Variants in SUPT3H observed in about 807,000 individuals in gnomAD.
The protein encoded by SUPT3H is transcription initiation protein SPT3 homolog.
Under a neutral mutation model 44.3 loss-of-function variants are expected in SUPT3H, and 44 were observed. The ratio of observed to expected loss-of-function variants is 0.99; its 90% CI spans 0.78 to 1.28. SUPT3H has a LOEUF of 1.28. Ranked by LOEUF, SUPT3H falls within the 50% of genes most tolerant of loss-of-function variation. The probability of loss-of-function intolerance (pLI) is 0.00; values close to 1 mark genes in which losing one functional copy is unlikely to be tolerated. For missense variants in SUPT3H, 380 were observed against 387.1 expected (o/e 0.98, Z 0.15); for synonymous variants, 124 against 125.6 (o/e 0.99, Z 0.09).
At chr6:45,172,633 C>A (rs1811013506) in intron 2 of SUPT3H, among the ~76,000 whole-genome samples, 1 of 150,432 alleles carries the variant, frequency 6.6e-6, no homozygotes, top group South Asian at 2.1e-4. Context: ...GCTCTGTTGC[C>A]CAGGCTGGAG....
chr6:45,231,479 C>G (rs984369920), intron 2 of SUPT3H, among the ~76,000 whole-genome samples: 10 of 152,104 alleles, frequency 6.6e-5, no homozygotes, highest in African/African-American at 2.4e-4. Context: ...TGATGGGGCT[C>G]TTTTATAGGT....
At chr6:45,194,881 A>T (rs1377643382) in intron 2 of SUPT3H, among the ~76,000 whole-genome samples, 1 of 152,190 alleles carries the variant, frequency 6.6e-6, no homozygotes, top group African/African-American at 2.4e-5. Flanking sequence ...AAAGAAGCTG[A>T]CTACTATACT....
intron 2 of SUPT3H, among the ~76,000 whole-genome samples, chr6:45,338,678 T>C (rs559812162): frequency 5.5e-4 from 83 of 152,258 alleles, no homozygotes; most frequent in South Asian, 2.3e-3. Flanking sequence ...CTGGGCAATA[T>C]AAATTTGGGT....
intron 2 of SUPT3H, among the ~76,000 whole-genome samples, chr6:45,230,471 T>C (rs930185890): frequency 1.3e-5 from 2 of 151,702 alleles, no homozygotes; most frequent in East Asian, 1.9e-4. Flanking sequence ...CATTATTATA[T>C]AATGACCATC....
chr6:45,178,763 A>C (rs1706921763), intron 2 of SUPT3H, among the ~76,000 whole-genome samples: 4 of 152,170 alleles, frequency 2.6e-5, no homozygotes, highest in Admixed American at 2.6e-4. Flanking sequence ...TAAGAATCTC[A>C]CTCAAAAGCG....
At chr6:45,129,897 A>G (rs1431124373) in intron 2 of SUPT3H, among the ~76,000 whole-genome samples, 2 of 152,176 alleles carry the variant, frequency 1.3e-5, no homozygotes, top group African/African-American at 2.4e-5. Context: ...AATAGAAATG[A>G]GTCAAAACAC....
chr6:45,337,939 A>T (rs1282975315), intron 2 of SUPT3H, among the ~76,000 whole-genome samples: 1 of 152,022 alleles, frequency 6.6e-6, no homozygotes, highest in Non-Finnish European at 1.5e-5. Flanking sequence ...TGACTTGACA[A>T]TGATGTTATC....
At chr6:44,939,275 G>A (rs1772003875) in intron 9 of SUPT3H, among the ~76,000 whole-genome samples, 1 of 152,026 alleles carries the variant, frequency 6.6e-6, no homozygotes, top group Admixed American at 6.6e-5. Context: ...TTTTTATAAT[G>A]CAGGGATGCT....
rs1449283076 is a variant in SUPT3H, at chr6:44,879,917, T to C, written c.913-50060A>G. 2.0e-5 allele frequency among the ~76,000 whole-genome samples: 3 copies of C among 152,010 alleles called. No homozygotes were observed. In the East Asian group the frequency reaches 5.8e-4, roughly 29 times the overall value. ...AAAGGACATCCACTCAAAAGCCCCA[T>C]CTGAAGGTCACCAAAATCAAAGACC... On this transcript the variant is annotated intron_variant, in intron 10 of 10. Transcript: ENST00000371459.
chr6:45,329,666 A>G (rs1331718055), intron 2 of SUPT3H, among the ~76,000 whole-genome samples: 1 of 151,976 alleles, frequency 6.6e-6, no homozygotes, highest in African/African-American at 2.4e-5. Context: ...GATACCCTGT[A>G]TGATTTTTAA....
At chr6:45,204,596 T>C (rs1251101088) in intron 2 of SUPT3H, among the ~76,000 whole-genome samples, 2 of 152,222 alleles carry the variant, frequency 1.3e-5, no homozygotes, top group Non-Finnish European at 2.9e-5. Context: ...TTCAATCTTA[T>C]GTGTTTTTAA....
At chr6:45,023,224 C>T (rs916787651) in intron 3 of SUPT3H, among the ~76,000 whole-genome samples, 1 of 151,458 alleles carries the variant, frequency 6.6e-6, no homozygotes, top group Non-Finnish European at 1.5e-5. Flanking sequence ...CAATGAGATA[C>T]CATCTTACAG....
At chr6:45,062,425 G>A (rs1303344053) in intron 3 of SUPT3H, among the ~76,000 whole-genome samples, 1 of 152,190 alleles carries the variant, frequency 6.6e-6, no homozygotes, top group Non-Finnish European at 1.5e-5. Context: ...AAGCGGATCA[G>A]CCTTCTAAAG....
At chr6:44,822,887 G>A (rs1767439829), downstream of SUPT3H, among the ~76,000 whole-genome samples, 1 of 151,988 alleles carries the variant, frequency 6.6e-6, no homozygotes, top group South Asian at 2.1e-4. Flanking sequence ...GGAAGCTGAG[G>A]CAGGTGGACT....
rs563117645 is a variant in SUPT3H, at chr6:44,903,226, A to G, written c.912+29427T>C. Among the ~76,000 whole-genome samples, 596 of 152,326 alleles carry G rather than the reference A, an allele frequency of 3.9e-3. 7 individuals are homozygous for G. The highest frequency in any genetic ancestry group is 0.014 in the African/African-American group (567 of 41,574). On this transcript the variant is annotated intron_variant, in intron 10 of 10. Coordinates refer to ENST00000371459, the MANE Select transcript of SUPT3H (RefSeq NM_003599.4). ...AGAGACACAAAAAACCCTTCAAAAA[A>G]TCAATGAATCCAGTAGCTGGTTTTT...
chr6:44,997,343 T>G (rs982138005), intron 6 of SUPT3H, among the ~76,000 whole-genome samples: 3 of 151,884 alleles, frequency 2.0e-5, no homozygotes, highest in Non-Finnish European at 1.5e-5. Flanking sequence ...AGTACATTAT[T>G]AAAAATGAGT....
At chr6:45,077,849 T>C (rs1562409889) in intron 3 of SUPT3H, among the ~76,000 whole-genome samples, 2 of 152,114 alleles carry the variant, frequency 1.3e-5, no homozygotes, top group East Asian at 1.9e-4. Flanking sequence ...AAAAGGTGTA[T>C]TTTGGAGGAA....
At chr6:45,255,524 C>A (rs970773515) in intron 2 of SUPT3H, among the ~76,000 whole-genome samples, 1 of 149,926 alleles carries the variant, frequency 6.7e-6, no homozygotes, top group Non-Finnish European at 1.5e-5. Flanking sequence ...TGTACTCAAG[C>A]ACTCCTGCCA....
intron 2 of SUPT3H, among the ~76,000 whole-genome samples, chr6:45,344,697 A>C (rs1790494079): frequency 6.6e-6 from 1 of 152,136 alleles, no homozygotes; most frequent in South Asian, 2.1e-4. Context: ...CTAGCTCTTC[A>C]TGGTTGGCTA....
Sources: gnomAD v4.1 joint callset for allele counts (sites outside exome capture counted in the v4.1 genomes callset) on GRCh38, gnomAD v4.1.1 for gene constraint, MANE v1.5 for transcripts, NCBI Gene and HGNC (gene_info 2026-07-23, HGNC 2026-07-21) for gene names.